The following GRID2 variants were observed in gnomAD, a reference collection of about 807,000 sequenced individuals.
GRID2 encodes the protein glutamate ionotropic receptor delta type subunit 2.
Under a neutral mutation model 114.8 loss-of-function variants are expected in GRID2, and 33 were observed. The observed-to-expected ratio is 0.29, with a 90% confidence interval of 0.22 to 0.38. GRID2 has a LOEUF of 0.38. Among genes scored for constraint, GRID2 ranks in the 10% least tolerant of loss-of-function variants. The pLI is 1.00. For missense variants in GRID2, 1,184 were observed against 1,257.7 expected (o/e 0.94, Z 0.89); for synonymous variants, 505 against 449.9 (o/e 1.12, Z -1.55).
chr4:93,673,946 C>T (rs1028212664), intron 14 of GRID2, among the ~76,000 whole-genome samples: 2 of 152,106 alleles, frequency 1.3e-5, no homozygotes, highest in African/African-American at 4.8e-5. Context: ...CTAGTTCCCT[C>T]TTTTCTTCTT....
chr4:92,446,286 T>C (rs62312218), intron 1 of GRID2, among the ~76,000 whole-genome samples: 24,930 of 152,134 alleles, frequency 0.16, 2,114 homozygotes, highest in Middle Eastern at 0.22. Context: ...TCTTACCTCT[T>C]CTTGGTACCC....
chr4:92,379,788 G>T (rs1406330422), intron 1 of GRID2, among the ~76,000 whole-genome samples: 1 of 151,946 alleles, frequency 6.6e-6, no homozygotes, highest in Non-Finnish European at 1.5e-5. Context: ...TTCTGGAGAA[G>T]GTTGGAAAGA....
intron 8 of GRID2, among the ~76,000 whole-genome samples, chr4:93,361,614 T>C (rs1247246521): frequency 6.6e-6 from 1 of 152,040 alleles, no homozygotes; most frequent in Non-Finnish European, 1.5e-5. Flanking sequence ...ATCATGATTC[T>C]TTAAAATATC....
chr4:93,448,910 C>CT lies in GRID2; in HGVS notation c.1546-6750dup, dbSNP rs1722411365. On this transcript the variant is annotated intron_variant, in intron 10 of 15. Transcript: ENST00000282020. ...TTCCCTTCCCTTCCCCTTCCCTTCCCTTCCCTTCCCCTTCCCTTCCCCTTC... is the reference window on the plus strand; with the variant it reads ...TTCCCTTCCCTTCCCCTTCCCTTCCCTTTCCCTTCCCCTTCCCTTCCCCTTC... 4.7e-5 allele frequency among the ~76,000 whole-genome samples: 4 copies of CT among 85,048 alleles called. 1 individual carries two copies. The highest frequency in any genetic ancestry group is 6.7e-5 in the Non-Finnish European group (3 of 44,762). The allele number at this position is 85,048 out of a possible 152,430, so 55.8% of individuals were successfully genotyped here.
At chr4:93,231,233 AT>A (rs974967358) in intron 7 of GRID2, among the ~76,000 whole-genome samples, 2 of 151,716 alleles carry the variant, frequency 1.3e-5, no homozygotes, top group African/African-American at 2.4e-5. Context: ...ATCATTTTTC[AT>A]TTTTTTCTTA....
intron 2 of GRID2, among the ~76,000 whole-genome samples, chr4:92,951,105 ACTAT>A (rs912050123): frequency 3.9e-5 from 6 of 152,130 alleles, no homozygotes; most frequent in African/African-American, 1.4e-4. Context: ...CTAGAACCAC[ACTAT>A]CTATTAGAAG....
At chr4:92,325,932 G>A (rs1726570977) in intron 1 of GRID2, among the ~76,000 whole-genome samples, 1 of 150,612 alleles carries the variant, frequency 6.6e-6, no homozygotes, top group South Asian at 2.1e-4. Flanking sequence ...CACATTCCCG[G>A]GTCTACTCTT....
chr4:92,724,565 G>A (rs1329495901), intron 2 of GRID2, among the ~76,000 whole-genome samples: 2 of 152,158 alleles, frequency 1.3e-5, no homozygotes, highest in Admixed American at 6.6e-5. Context: ...AAAATTGTAT[G>A]ACTATTGTAC....
At chr4:92,981,529 C>T (rs1193201207) in intron 2 of GRID2, among the ~76,000 whole-genome samples, 6 of 151,956 alleles carry the variant, frequency 3.9e-5, no homozygotes, top group South Asian at 2.1e-4. Flanking sequence ...ATTATATCTG[C>T]GGCTAACCCT....
At chr4:93,566,958 A>G (rs1478740633) in intron 13 of GRID2, among the ~76,000 whole-genome samples, 4 of 151,888 alleles carry the variant, frequency 2.6e-5, no homozygotes, top group Non-Finnish European at 4.4e-5. Context: ...CTGCAAAAGT[A>G]TCCTCCCTTC....
intron 2 of GRID2, among the ~76,000 whole-genome samples, chr4:92,693,196 G>C (rs573875306): frequency 1.5e-4 from 23 of 152,000 alleles, no homozygotes; most frequent in Non-Finnish European, 3.1e-4. Context: ...CAACGTTCTA[G>C]TAATCTCAAA....
rs1399399458 is a variant in GRID2, at chr4:92,881,713, T to C, written c.245-203282T>C. Among the ~76,000 whole-genome samples the C allele has an allele frequency of 2.0e-5, 3 of 152,168 alleles. 1 individual carries two copies. The highest frequency in any genetic ancestry group is 4.1e-4 in the South Asian group (2 of 4,834). On this transcript the variant is annotated intron_variant, in intron 2 of 15. Coordinates refer to ENST00000282020, the MANE Select transcript of GRID2 (RefSeq NM_001510.4). ...GTAGAAAACATTACTTTTTAGGTAT[T>C]GTTTTTATTAAATAGGAAATGAATG...
chr4:92,557,566 T>C (rs1356354751), intron 1 of GRID2, among the ~76,000 whole-genome samples: 1 of 150,474 alleles, frequency 6.6e-6, no homozygotes, highest in African/African-American at 2.4e-5. Flanking sequence ...TTTAATACTT[T>C]ACTGCAGAAA....
chr4:92,440,240 A>G (rs569363643), intron 1 of GRID2, among the ~76,000 whole-genome samples: 2 of 146,206 alleles, frequency 1.4e-5, no homozygotes, highest in South Asian at 2.3e-4. Context: ...TAAAGGTTTC[A>G]CTGAATACTA....
intron 1 of GRID2, among the ~76,000 whole-genome samples, chr4:92,549,188 G>A (rs1726448080): frequency 6.6e-6 from 1 of 150,420 alleles, no homozygotes; most frequent in South Asian, 2.1e-4. Flanking sequence ...ATGAGAAAAT[G>A]CCACATTGAT....
At chr4:93,470,579 T>G (rs1724706993) in intron 11 of GRID2, among the ~76,000 whole-genome samples, 1 of 151,932 alleles carries the variant, frequency 6.6e-6, no homozygotes, top group Non-Finnish European at 1.5e-5. Flanking sequence ...AAATAAATAT[T>G]ATCGTGATGT....
At chr4:92,435,288 A>C (rs1235353743) in intron 1 of GRID2, among the ~76,000 whole-genome samples, 1 of 152,148 alleles carries the variant, frequency 6.6e-6, no homozygotes, top group African/African-American at 2.4e-5. Context: ...TAGCTTTGTG[A>C]TCGAAGGAGT....
intron 2 of GRID2, among the ~76,000 whole-genome samples, chr4:92,748,764 C>T (rs964151337): frequency 1.3e-5 from 2 of 150,638 alleles, no homozygotes; most frequent in Admixed American, 6.6e-5. Context: ...TGGGTTCAAA[C>T]GATTCTCCTG....
intron 8 of GRID2, among the ~76,000 whole-genome samples, chr4:93,361,999 AC>A (rs1000838391): frequency 6.6e-6 from 1 of 151,058 alleles, no homozygotes; most frequent in African/African-American, 2.4e-5. Flanking sequence ...CCCTTCCCCC[AC>A]CCCACAGGCC....
Sources: allele counts gnomAD v4.1 joint callset (sites outside exome capture counted in the v4.1 genomes callset), GRCh38; gene constraint gnomAD v4.1.1; transcripts MANE v1.5; gene names NCBI Gene and HGNC (gene_info 2026-07-23, HGNC 2026-07-21).